Variants in LRRK1 observed in about 807,000 individuals in gnomAD.
LRRK1 encodes the protein leucine-rich repeat serine/threonine-protein kinase 1.
Under a neutral mutation model 209.1 loss-of-function variants are expected in LRRK1, and 113 were observed. The observed-to-expected ratio is 0.54, with a 90% CI of 0.46 to 0.63. The LOEUF (loss-of-function observed/expected upper bound fraction) is 0.63. Ranked by LOEUF, LRRK1 falls within the 30% of genes least tolerant of loss-of-function variation. The pLI, the probability that LRRK1 is intolerant of heterozygous loss-of-function variation, is 0.00. For missense variants in LRRK1, 2,284 were observed against 2,632.2 expected, an observed-to-expected ratio of 0.87 and a Z score of 2.89; for synonymous variants, 1,144 against 1,099.7, an observed-to-expected ratio of 1.04 and a Z score of -0.80.
intron 10 of LRRK1, 94 bp from the exon 11 acceptor site, chr15:101,014,222 G>A: frequency 1.2e-6 from 1 of 850,078 alleles, no homozygotes; most frequent in Non-Finnish European, 1.9e-6. Context: ...TCGTTTGACT[G>A]CGCGTGGTTG....
chr15:101,024,771 GC>G lies in LRRK1; in HGVS notation c.2068-30del. ...TGACTGAAGCCTTTGTCTCTAAAAT[GC>G]CTCCCTGTCGCTGCCTTGTTGCTCA... On this transcript the variant is annotated intron_variant, in intron 15 of 33. Transcript: ENST00000388948. The surrounding 1 kb of genome is among the most constrained non-coding windows in gnomAD (Gnocchi z 4.6). 1 of 1,598,480 alleles carries G rather than the reference GC, an allele frequency of 6.3e-7. No individual in the cohort carries two copies.
chr15:100,993,779 A>G (rs772270494), intron 6 of LRRK1, among the ~76,000 whole-genome samples: 42 of 152,160 alleles, frequency 2.8e-4, no homozygotes, highest in African/African-American at 1.0e-3. Context: ...TCCTATTAGT[A>G]TATATTTTTC....
In LRRK1 at chr15:101,065,648, G is replaced by C; in HGVS notation, c.5211G>C (p.Thr1737=). The change falls in exon 32 of 34, where the codon ACG becomes ACC. Residue 1737 remains threonine (T), a synonymous_variant. Coordinates refer to ENST00000388948, the MANE Select transcript of LRRK1 (RefSeq NM_024652.6). The part of the protein sequence containing the change: ...LEPYMAPSMV[T]SVVCSSEGRG... ...CCTACATGGCCCCCTCCATGGTTAC[G>C]TCAGTCGTGTGCAGCTCTGAGGGCA... The C allele has an allele frequency of 6.2e-7, 1 of 1,614,120 alleles. No individual in the cohort carries two copies. The highest frequency in any genetic ancestry group is 1.1e-5 in the South Asian group (1 of 91,088).
intron 2 of LRRK1, among the ~76,000 whole-genome samples, chr15:100,970,239 T>A (rs1356911083): frequency 6.6e-6 from 1 of 152,182 alleles, no homozygotes; most frequent in African/African-American, 2.4e-5. Flanking sequence ...CTGATGGGCA[T>A]TTGGGTTGAT....
Position 101,058,627 on chromosome 15 carries a change from C to T in LRRK1, c.4679+486C>T, listed in dbSNP as rs374436315. 1.5e-3 allele frequency among the ~76,000 whole-genome samples: 61 copies of T among 42,034 alleles called. 4 individuals are homozygous for T. The highest frequency in any genetic ancestry group is 4.5e-3 in the African/African-American group (53 of 11,878). 27.6% of individuals were successfully genotyped at this position (42,034 alleles called of 152,430 possible). A position where few individuals can be genotyped will look rare whatever the true frequency, so the allele number is the denominator to read the frequency against. On this transcript the variant is annotated intron_variant, in intron 29 of 33. Coordinates refer to ENST00000388948, the MANE Select transcript of LRRK1 (RefSeq NM_024652.6). ...TTGCAGAAGGGGCAACGGGGGGGGGCGTCTAAACAGAGTTGGGGTTTTGCC... is the reference window on the plus strand; with the variant it reads ...TTGCAGAAGGGGCAACGGGGGGGGGTGTCTAAACAGAGTTGGGGTTTTGCC...
At chr15:101,055,955 C>G (rs541231895) in intron 27 of LRRK1, among the ~76,000 whole-genome samples, 1 of 152,178 alleles carries the variant, frequency 6.6e-6, no homozygotes, top group Non-Finnish European at 1.5e-5. Context: ...TAGGAATGAC[C>G]TGTGCATGTA....
chr15:100,956,166 T>C (rs2042752478), intron 2 of LRRK1, among the ~76,000 whole-genome samples: 1 of 152,140 alleles, frequency 6.6e-6, no homozygotes, highest in African/African-American at 2.4e-5. Context: ...TCAGTCTCTT[T>C]ACTCATTATT....
At chr15:100,951,016 T>G (rs556858705) in intron 2 of LRRK1, among the ~76,000 whole-genome samples, 156 of 152,282 alleles carry the variant, frequency 1.0e-3, no homozygotes, top group Non-Finnish European at 1.8e-3. Context: ...GGCAGGAGAA[T>G]GGCGTGAACC....
At chr15:100,999,685 A>C (rs192338388) in intron 6 of LRRK1, among the ~76,000 whole-genome samples, 1 of 152,336 alleles carries the variant, frequency 6.6e-6, no homozygotes, top group Admixed American at 6.5e-5. Context: ...AATTATATTG[A>C]ATTAGGAGAC....
At chr15:100,980,422 G>A (rs962690599) in intron 3 of LRRK1, among the ~76,000 whole-genome samples, 2 of 152,204 alleles carry the variant, frequency 1.3e-5, no homozygotes, top group Admixed American at 1.3e-4. Flanking sequence ...TGAAAAGGAA[G>A]AGAATGAGTG....
Position 101,024,943 on chromosome 15 carries a change from C to T in LRRK1, c.2208C>T (p.Leu736=). The T allele has an allele frequency of 6.2e-7, 1 of 1,613,904 alleles. No homozygotes were observed. The highest frequency in any genetic ancestry group is 8.5e-7 in the Non-Finnish European group (1 of 1,180,000). The change falls in exon 16 of 34, where the codon CTC becomes CTT. Residue 736 remains leucine, a synonymous_variant. Coordinates refer to ENST00000388948, the MANE Select transcript of LRRK1 (RefSeq NM_024652.6). The surrounding 1 kb of genome is among the most constrained non-coding windows in gnomAD (Gnocchi z 4.6). ...TGGGGGAGGAGGCCGTGGCCAACCT[C>T]CAGTTCTGGCTGCTCAACATCGAGG... ...LALGEEAVAN[L]QFWLLNIEAK...
At chr15:100,934,802 CAAAAAAAA>C (rs56258040) in intron 2 of LRRK1, among the ~76,000 whole-genome samples, 1 of 53,440 alleles carries the variant, frequency 1.9e-5, no homozygotes, top group Non-Finnish European at 4.0e-5. Flanking sequence ...GAAACTGTCT[CAAAAAAAA>C]AAAAAAAAAA....
At chr15:100,979,834 A>G (rs1459484047) in intron 3 of LRRK1, among the ~76,000 whole-genome samples, 1 of 152,258 alleles carries the variant, frequency 6.6e-6, no homozygotes. Context: ...AAGATGTTCA[A>G]CATCGTTAGC....
At chr15:101,018,708 T>C (rs2033653709) in intron 12 of LRRK1, among the ~76,000 whole-genome samples, 1 of 152,136 alleles carries the variant, frequency 6.6e-6, no homozygotes, top group Non-Finnish European at 1.5e-5. Context: ...TGGGGAGCCA[T>C]GTGAGGGGGC....
rs1339186984 is a variant in LRRK1 at position 101,027,309 on chromosome 15, G to T, written c.2454G>T (p.Leu818=). The change falls in exon 18 of 34, where the codon CTG becomes CTT. Residue 818 remains leucine, a synonymous_variant. Coordinates refer to ENST00000388948, the MANE Select transcript of LRRK1 (RefSeq NM_024652.6). The surrounding 1 kb of genome is among the most constrained non-coding windows in gnomAD (Gnocchi z 5.1). ...AAGGTCAGGAAGGGCTGCGACAGCT[G>T]ATTTTCCACGTCACGTGCAGCATGA... The part of the protein sequence containing the change: ...SLEGQEGLRQ[L]IFHVTCSMKD... 1 of 1,614,160 alleles carries T rather than the reference G, an allele frequency of 6.2e-7. No individual in the cohort carries two copies. The highest frequency in any genetic ancestry group is 8.5e-7 in the Non-Finnish European group (1 of 1,180,036).
Position 101,058,106 on chromosome 15 carries a change from C to T in LRRK1, c.4644C>T (p.Tyr1548=). 1 of 1,614,154 alleles carries T rather than the reference C, an allele frequency of 6.2e-7. No homozygotes were observed. The highest frequency in any genetic ancestry group is 1.3e-5 in the African/African-American group (1 of 75,026). The change falls in exon 29 of 34, where the codon TAC becomes TAT. Residue 1548 remains tyrosine, a synonymous_variant. Transcript: ENST00000388948. ...TAFFSSQGQE[Y]TVVFWDGKEE... ...TCTTCTCATCCCAGGGCCAGGAGTACACCGTGGTGTTTTGGGATGGAAAAG... is the reference window on the plus strand; with the variant it reads ...TCTTCTCATCCCAGGGCCAGGAGTATACCGTGGTGTTTTGGGATGGAAAAG...
At chr15:100,967,586 C>G (rs1397326971) in intron 2 of LRRK1, among the ~76,000 whole-genome samples, 1 of 150,334 alleles carries the variant, frequency 6.7e-6, no homozygotes, top group Non-Finnish European at 1.5e-5. Flanking sequence ...GGCAAGAGCT[C>G]ATACCTTGTG....
chr15:100,983,650 G>A lies in LRRK1; in HGVS notation c.384G>A (p.Ala128=), dbSNP rs56023187. 1,123 of 1,608,742 alleles carry A rather than the reference G, an allele frequency of 7.0e-4. 1 individual carries two copies. The highest frequency in any genetic ancestry group is 1.2e-3 in the East Asian group (53 of 44,766). Residue 128 remains alanine (A), a synonymous_variant, in exon 4 of 34, where the codon GCG becomes GCA. Coordinates refer to ENST00000388948, the MANE Select transcript of LRRK1 (RefSeq NM_024652.6). ...ATGACAACCCAGCCGTGGTGGCAGC[G>A]TATTTTGGACACACGGCAGTTGTGC... ...PTDDNPAVVA[A]YFGHTAVVQE...
intron 2 of LRRK1, among the ~76,000 whole-genome samples, chr15:100,961,610 G>A (rs2029959451): frequency 6.7e-6 from 1 of 148,850 alleles, no homozygotes; most frequent in Non-Finnish European, 1.5e-5. Context: ...CCGAGATCGC[G>A]CCACCGCACT....
Sources: allele counts gnomAD v4.1 joint callset (sites outside exome capture counted in the v4.1 genomes callset), GRCh38; gene constraint gnomAD v4.1.1; non-coding constraint Gnocchi (gnomAD v3.1); transcripts MANE v1.5; gene names NCBI Gene and HGNC (gene_info 2026-07-23, HGNC 2026-07-21).